Variants in TDRD6 observed in about 807,000 individuals in gnomAD.
The protein encoded by TDRD6 is tudor domain-containing protein 6.
In TDRD6, 186 loss-of-function variants were observed where a neutral mutation model predicts 157.5. The observed-to-expected ratio is 1.18, with a 90% CI of 1.05 to 1.33. The LOEUF is 1.33. TDRD6 is among the 40% of genes most tolerant of loss of function. TDRD6 has a pLI of 0.00. For synonymous variants in TDRD6, 1,075 were observed against 945.2 expected (o/e 1.14, Z -2.52); for missense variants, 3,066 against 2,508.0 (o/e 1.22, Z -4.75).
In TDRD6 at chr6:46,691,856, T is replaced by C; in HGVS notation, c.3728T>C (p.Val1243Ala). 6.3e-7 allele frequency: 1 copy of C among 1,593,868 alleles called. No homozygotes were observed. Among genetic ancestry groups the C allele is most frequent in the South Asian group, 1.1e-5 (1 of 87,022 alleles). ...TTAGTCACTCAATATCAAGACTCTG[T>C]GGGAAATAAAAATAGTCAAGTGTTT... ...TNLVTQYQDS[V>A]GNKNSQVFPL... Residue 1243 changes from valine to alanine, a missense_variant, in exon 1 of 4, where the codon GTG becomes GCG. Coordinates refer to ENST00000316081, the MANE Select transcript of TDRD6 (RefSeq NM_001010870.3).
Position 46,688,543 on chromosome 6 carries a change from T to G in TDRD6, c.415T>G (p.Cys139Gly). 1 of 1,577,046 alleles carries G rather than the reference T, an allele frequency of 6.3e-7. No individual in the cohort carries two copies. Among genetic ancestry groups the G allele is most frequent in the Non-Finnish European group, 8.6e-7 (1 of 1,167,060 alleles). ...GCTAGCGGGCCTGGTGCCGGCAGGC[T>G]GCGGCGCGGGCTCAGGCGAGCCGCC... ...CVLAGLVPAGCGAGSGEPPQH... is the reference protein window; with the variant it reads ...CVLAGLVPAGGGAGSGEPPQH... The change falls in exon 1 of 4, where the codon TGC becomes GGC. Residue 139 changes from cysteine to glycine, a missense_variant. By Grantham distance (159) the Cys-to-Gly change is radical (BLOSUM62 -3). Coordinates refer to ENST00000316081, the MANE Select transcript of TDRD6 (RefSeq NM_001010870.3).
In TDRD6 at chr6:46,688,992, G is replaced by A. The variant is rs1426126855; in HGVS notation, c.864G>A (p.Arg288=). 4.3e-6 allele frequency: 7 copies of A among 1,613,648 alleles called. 1 individual carries two copies. In the Admixed American group the frequency reaches 8.3e-5, roughly 19 times the overall value. Residue 288 remains arginine, a synonymous_variant, in exon 1 of 4, where the codon CGG becomes CGA. Coordinates refer to ENST00000316081, the MANE Select transcript of TDRD6 (RefSeq NM_001010870.3). The part of the protein sequence containing the change: ...RLSESMAQVY[R]GSTGTGDENS... ...CCGAGAGCATGGCCCAGGTATACCG[G>A]GGTTCCACGGGGACAGGGGATGAGA...
Position 46,695,806 on chromosome 6 carries a change from A to G in TDRD6, c.6047-15A>G, listed in dbSNP as rs199607666. On this transcript the variant is annotated splice_polypyrimidine_tract_variant and intron_variant, in intron 1 of 3. Coordinates refer to ENST00000316081, the MANE Select transcript of TDRD6 (RefSeq NM_001010870.3). ...AAGAGATATGCATTGAGTCTTACTC[A>G]ATTCAATTTGGCAGCTCAACTACAG... is the stretch of plus-strand genomic sequence containing the variant. The G allele has an allele frequency of 2.5e-5, 40 of 1,610,554 alleles. No homozygotes were observed. Among genetic ancestry groups the G allele is most frequent in the Non-Finnish European group, 3.0e-5 (35 of 1,178,744 alleles).
chr6:46,700,426 T>G (rs1764594795), intron 3 of TDRD6, among the ~76,000 whole-genome samples: 1 of 152,182 alleles, frequency 6.6e-6, no homozygotes, highest in Admixed American at 6.5e-5. Flanking sequence ...AAGTGAGTGT[T>G]GTATTATGCA....
Position 46,689,766 on chromosome 6 carries a change from G to C in TDRD6, c.1638G>C (p.Lys546Asn). Residue 546 changes from lysine (K) to asparagine (N), a missense_variant, in exon 1 of 4, where the codon AAG becomes AAC. Coordinates refer to ENST00000316081, the MANE Select transcript of TDRD6 (RefSeq NM_001010870.3). ...AACCTGATGACCTTTGCTGTGTCAAGTGGAAAGAAAATGGTTATTATAGGG... is the reference window on the plus strand; with the variant it reads ...AACCTGATGACCTTTGCTGTGTCAACTGGAAAGAAAATGGTTATTATAGGG... ...KPEPDDLCCV[K>N]WKENGYYRAI... The C allele has an allele frequency of 6.2e-7, 1 of 1,614,222 alleles. No individual in the cohort carries two copies. Among genetic ancestry groups the C allele is most frequent in the Non-Finnish European group, 8.5e-7 (1 of 1,180,050 alleles).
rs1562053637 is a variant in TDRD6 at position 46,689,724 on chromosome 6, T to G, written c.1596T>G (p.Gly532=). 1.2e-6 allele frequency: 2 copies of G among 1,614,180 alleles called. No homozygotes were observed. Among genetic ancestry groups the G allele is most frequent in the East Asian group, 2.2e-5 (1 of 44,882 alleles). The part of the protein sequence containing the change: ...GFYSSASKLD[G]VVLKPEPDDL... Reference sequence around the variant, plus strand: ...ATTCCTCTGCCAGTAAGCTGGATGGTGTAGTTTTGAAACCTGAACCTGATG... The same window carrying G: ...ATTCCTCTGCCAGTAAGCTGGATGGGGTAGTTTTGAAACCTGAACCTGATG... The change falls in exon 1 of 4, where the codon GGT becomes GGG. Residue 532 remains glycine (G), a synonymous_variant. Coordinates refer to ENST00000316081, the MANE Select transcript of TDRD6 (RefSeq NM_001010870.3).
At chr6:46,694,707 T>C (rs2150682097) in intron 1 of TDRD6, among the ~76,000 whole-genome samples, 1 of 152,320 alleles carries the variant, frequency 6.6e-6, no homozygotes, top group African/African-American at 2.4e-5. Context: ...TGTTTAAAAG[T>C]TGAATGCTTG....
At position 46,692,190 on chromosome 6, in the gene TDRD6, AAG is replaced by A. The variant is rs1486014316; in HGVS notation, c.4065_4066del (p.Gly1356ArgfsTer11). The A allele has an allele frequency of 1.9e-6, 3 of 1,614,012 alleles. No homozygotes were observed. Among genetic ancestry groups the A allele is most frequent in the Non-Finnish European group, 2.5e-6 (3 of 1,180,006 alleles). ...AATATTATGTAGGTCCACCTTTGCAAAGAGGAGATATGATATGTGCTGTTTTC... is the reference window on the plus strand; with the variant it reads ...AATATTATGTAGGTCCACCTTTGCAAAGGAGATATGATATGTGCTGTTTTC... ...PEYYVGPPLQ[R>X]GDMICAVFPE... On this transcript the variant is annotated frameshift_variant, in exon 1 of 4. Coordinates refer to ENST00000316081, the MANE Select transcript of TDRD6 (RefSeq NM_001010870.3). LOFTEE classifies it high-confidence loss of function.
Position 46,695,941 on chromosome 6 carries a change from CAAG to C in TDRD6, c.6168_6170del (p.Arg2057del), listed in dbSNP as rs1191236124. The C allele has an allele frequency of 6.2e-7, 1 of 1,611,704 alleles. No homozygotes were observed. On this transcript the variant is annotated inframe_deletion and splice_region_variant, in exon 2 of 4. Transcript: ENST00000316081. Reference sequence around the variant, plus strand: ...ATTTTAGAAACAGCTGAAGAAGGAACAAGGGTAAGTGATGTTTAAGTACTTTAT... The same window carrying C: ...ATTTTAGAAACAGCTGAAGAAGGAACGGTAAGTGATGTTTAAGTACTTTAT...
chr6:46,685,163 C>T (rs966773988), upstream of TDRD6, among the ~76,000 whole-genome samples: 2 of 151,978 alleles, frequency 1.3e-5, no homozygotes, highest in African/African-American at 4.8e-5. Context: ...TTTCGAGAGT[C>T]GTTTATCTAT....
At chr6:46,682,811 A>G in the TDRD6 span, among the ~76,000 whole-genome samples, 1 of 152,058 alleles carries the variant, frequency 6.6e-6, no homozygotes, top group Non-Finnish European at 1.5e-5. Context: ...AATATAAAAC[A>G]TTACTGAGAG....
chr6:46,696,918 A>G (rs1764518295), intron 2 of TDRD6, among the ~76,000 whole-genome samples: 3 of 151,582 alleles, frequency 2.0e-5, no homozygotes, highest in Admixed American at 2.0e-4. Context: ...GCTGTTTTTT[A>G]AATTGTATTA....
intron 3 of TDRD6, among the ~76,000 whole-genome samples, 178 bp from the exon 4 acceptor site, chr6:46,701,680 T>G (rs1277382986): frequency 6.6e-6 from 1 of 152,162 alleles, no homozygotes; most frequent in East Asian, 1.9e-4. Context: ...AACCAAAATA[T>G]TAATAAGAAA....
Position 46,688,350 on chromosome 6 carries a change from G to C in TDRD6, c.222G>C (p.Leu74=). 2 of 1,531,860 alleles carry C rather than the reference G, an allele frequency of 1.3e-6. No homozygotes were observed. Among genetic ancestry groups the C allele is most frequent in the Non-Finnish European group, 1.7e-6 (2 of 1,143,760 alleles). The allele number at this position is 1,531,860 out of a possible 1,614,324, so 94.9% of individuals were successfully genotyped here. A position where few individuals can be genotyped will look rare whatever the true frequency, so the allele number is the denominator to read the frequency against. Residue 74 remains leucine (L), a synonymous_variant, in exon 1 of 4, where the codon CTG becomes CTC. Transcript: ENST00000316081. ...CGGCCTCGCCCGGCGAGCTGTGCCTGGTGCAGGTCGGGCTTTTGTGGCACC... is the reference window on the plus strand; with the variant it reads ...CGGCCTCGCCCGGCGAGCTGTGCCTCGTGCAGGTCGGGCTTTTGTGGCACC... The part of the protein sequence containing the change: ...SASASPGELC[L]VQVGLLWHRC...
chr6:46,692,965 G>C lies in TDRD6; in HGVS notation c.4837G>C (p.Asp1613His), dbSNP rs1764382920. Reference sequence around the variant, plus strand: ...CTTTGGAAACATTGAAGACTGTGTGGACCCAAAAGCACTCTGGGCCATTCC... The same window carrying C: ...CTTTGGAAACATTGAAGACTGTGTGCACCCAAAAGCACTCTGGGCCATTCC... Reference protein sequence around the residue: ...VDFGNIEDCVDPKALWAIPSE... With the variant: ...VDFGNIEDCVHPKALWAIPSE... The change falls in exon 1 of 4, where the codon GAC (aspartate) becomes CAC (histidine). Residue 1613 changes from aspartate (D) to histidine (H), a missense_variant. By Grantham distance (81) the Asp-to-His change is moderately conservative. Transcript: ENST00000316081. The C allele has an allele frequency of 2.5e-6, 4 of 1,613,168 alleles. No individual in the cohort carries two copies. The highest frequency in any genetic ancestry group is 3.4e-6 in the Non-Finnish European group (4 of 1,179,440).
At chr6:46,697,047 G>A (rs1165496942) in intron 2 of TDRD6, among the ~76,000 whole-genome samples, 1 of 152,056 alleles carries the variant, frequency 6.6e-6, no homozygotes, top group Non-Finnish European at 1.5e-5. Flanking sequence ...TAAAAGTCAA[G>A]CTCATTAACA....
In TDRD6 at chr6:46,688,959, C is replaced by G; in HGVS notation, c.831C>G (p.His277Gln). The change falls in exon 1 of 4, where the codon CAC (histidine) becomes CAG (glutamine). Residue 277 changes from histidine (H) to glutamine (Q), a missense_variant. Transcript: ENST00000316081. ...TCCGCAGCGTCTCGCAGGAGATCCA[C>G]CGCCTCTCCGAGAGCATGGCCCAGG... ...CQLRSVSQEI[H>Q]RLSESMAQVY... The G allele has an allele frequency of 6.2e-7, 1 of 1,613,090 alleles. No individual in the cohort carries two copies. Among genetic ancestry groups the G allele is most frequent in the South Asian group, 1.1e-5 (1 of 91,002 alleles).
rs974236518 is a variant in TDRD6 at position 46,689,215 on chromosome 6, C to G, written c.1087C>G (p.Leu363Val). ...GAGTTGCAGCAGCCTTCGGTACTTGCTGCCTGAATATTTTCGAATGCCGGT... is the reference window on the plus strand; with the variant it reads ...GAGTTGCAGCAGCCTTCGGTACTTGGTGCCTGAATATTTTCGAATGCCGGT... ...LVSCSSLRYL[L>V]PEYFRMPVVT... The change falls in exon 1 of 4, where the codon CTG (leucine) becomes GTG (valine). Residue 363 changes from leucine (L) to valine (V), a missense_variant. Leu to Val is a conservative substitution (Grantham distance 32). Transcript: ENST00000316081. 1 of 1,614,168 alleles carries G rather than the reference C, an allele frequency of 6.2e-7. No individual in the cohort carries two copies. The highest frequency in any genetic ancestry group is 8.5e-7 in the Non-Finnish European group (1 of 1,180,028).
At position 46,693,399 on chromosome 6, in the gene TDRD6, T is replaced by C. The variant is rs1362130655; in HGVS notation, c.5271T>C (p.Asp1757=). 1.2e-6 allele frequency: 2 copies of C among 1,613,616 alleles called. No homozygotes were observed. Among genetic ancestry groups the C allele is most frequent in the East Asian group, 2.2e-5 (1 of 44,868 alleles). Residue 1757 remains aspartate, a synonymous_variant, in exon 1 of 4, where the codon GAT becomes GAC. Coordinates refer to ENST00000316081, the MANE Select transcript of TDRD6 (RefSeq NM_001010870.3). ...AGCTTGCTGAAATAACTGAAAAAGATGTAAACATTATTGGAACCAAACCAA... is the reference window on the plus strand; with the variant it reads ...AGCTTGCTGAAATAACTGAAAAAGACGTAAACATTATTGGAACCAAACCAA... ...TDELAEITEK[D]VNIIGTKPSN...
Sources: allele counts gnomAD v4.1 joint callset (sites outside exome capture counted in the v4.1 genomes callset), GRCh38; gene constraint gnomAD v4.1.1; transcripts MANE v1.5; gene names NCBI Gene and HGNC (gene_info 2026-07-23, HGNC 2026-07-21).